The following DMD variants were observed in gnomAD, a reference collection of about 807,000 sequenced individuals.
The protein encoded by DMD is dystrophin.
A neutral mutation model predicts 330.1 loss-of-function variants in DMD; 63 were observed. The observed-to-expected ratio is 0.19, with a 90% CI of 0.16 to 0.24. The LOEUF is 0.24. Ranked by LOEUF, DMD falls within the 10% of genes least tolerant of loss-of-function variation. The pLI is 1.00. For synonymous variants in DMD, 1,223 were observed against 959.8 expected (o/e 1.27, Z -5.07); for missense variants, 3,344 against 2,684.1 (o/e 1.25, Z -5.43).
In DMD at chrX:32,365,191, T is replaced by C; in HGVS notation, c.4854A>G (p.Gln1618=). The C allele has an allele frequency of 8.3e-7, 1 of 1,210,479 alleles. No homozygotes were observed. The highest frequency in any genetic ancestry group is 1.1e-6 in the Non-Finnish European group (1 of 894,841). ...GCACCTTCTGTTTCTCAATCTCTTT[T>C]TGAGTAGCCTGTGAAAAGGAGAGCA... The part of the protein sequence containing the change: ...DSEVAWGKAT[Q]KEIEKQKVHL... Residue 1618 remains glutamine (Q), a synonymous_variant, in exon 35 of 79, where the codon CAA becomes CAG. Coordinates refer to ENST00000357033, the MANE Select transcript of DMD (RefSeq NM_004006.3).
At chrX:32,468,072 T>C (rs981588893) in intron 23 of DMD, among the ~76,000 whole-genome samples, 6 of 110,080 alleles carry the variant, frequency 5.5e-5, no homozygotes, top group African/African-American at 1.6e-4. Context: ...AAAGGTAATA[T>C]AGGAAATAAT....
At chrX:31,841,611 C>G (rs754330928) in intron 48 of DMD, among the ~76,000 whole-genome samples, 2 of 112,152 alleles carry the variant, frequency 1.8e-5, no homozygotes, top group South Asian at 7.4e-4. Flanking sequence ...CAATTGATGA[C>G]TTTCAATTGA....
chrX:32,161,514 T>G (rs1388013191), intron 44 of DMD, among the ~76,000 whole-genome samples: 2 of 111,925 alleles, frequency 1.8e-5, no homozygotes, highest in East Asian at 5.6e-4. Flanking sequence ...AATATCTTTG[T>G]TGTAGAATTA....
At chrX:32,660,588 T>C (rs2060883296) in intron 9 of DMD, among the ~76,000 whole-genome samples, 1 of 111,564 alleles carries the variant, frequency 9.0e-6, no homozygotes, top group African/African-American at 3.3e-5. Flanking sequence ...TTTAAAATGC[T>C]CTCTCCATAG....
At chrX:32,776,604 G>A (rs781454684) in intron 7 of DMD, among the ~76,000 whole-genome samples, 4 of 110,771 alleles carry the variant, frequency 3.6e-5, no homozygotes, top group Non-Finnish European at 7.6e-5. Context: ...CAGATCACAT[G>A]AGCATTCACA....
chrX:32,491,407 T>A lies in DMD; in HGVS notation c.2492A>T (p.Asn831Ile), dbSNP rs2042985183. Residue 831 changes from asparagine (N) to isoleucine (I), a missense_variant, in exon 20 of 79, where the codon AAC becomes ATC. Physicochemically the swap from Asn to Ile is moderately radical, Grantham distance 149. Transcript: ENST00000357033. ...ERLNWLEYQN[N>I]IIAFYNQLQQ... is the part of the protein sequence containing the mutation. ...TAGCTGATTATAGAAAGCGATGATG[T>A]TGTTCTGATACTCCAGCCAGTTAAG... 8.3e-7 allele frequency: 1 copy of A among 1,210,112 alleles called. No individual in the cohort carries two copies. Among genetic ancestry groups the A allele is most frequent in the African/African-American group, 1.7e-5 (1 of 57,182 alleles).
chrX:32,424,161 C>A (rs1258939241), intron 29 of DMD, among the ~76,000 whole-genome samples: 1 of 110,075 alleles, frequency 9.1e-6, no homozygotes, highest in Non-Finnish European at 1.9e-5. Context: ...ATTGCAGTCA[C>A]CTTGAACACA....
intron 55 of DMD, among the ~76,000 whole-genome samples, chrX:31,583,609 C>T (rs2076439830): frequency 9.1e-6 from 1 of 110,328 alleles, no homozygotes; most frequent in Non-Finnish European, 1.9e-5. Context: ...AGCTCTGCTA[C>T]ATTTTCTTTT....
At chrX:33,324,313 A>C (rs1042993616) in intron 1 of DMD, among the ~76,000 whole-genome samples, 2 of 110,880 alleles carry the variant, frequency 1.8e-5, no homozygotes, top group Non-Finnish European at 1.9e-5. Context: ...GACCACTAGG[A>C]GAATGATTTG....
At chrX:32,077,304 T>C (rs1213464845) in intron 44 of DMD, among the ~76,000 whole-genome samples, 3 of 110,902 alleles carry the variant, frequency 2.7e-5, no homozygotes, top group African/African-American at 9.9e-5. Context: ...TGAAGTATAT[T>C]ATACTTCAGT....
chrX:33,005,934 C>T (rs1285937937), intron 2 of DMD, among the ~76,000 whole-genome samples: 8 of 111,166 alleles, frequency 7.2e-5, no homozygotes, highest in Non-Finnish European at 1.5e-4. Context: ...ATATAAAATT[C>T]AATTGTTTCT....
At chrX:32,455,147 C>T (rs1301672065) in intron 25 of DMD, among the ~76,000 whole-genome samples, 1 of 110,889 alleles carries the variant, frequency 9.0e-6, no homozygotes, top group African/African-American at 3.3e-5. Flanking sequence ...TAATATGTTT[C>T]AGTTGGAAAA....
chrX:32,658,195 C>T (rs2060710338), intron 9 of DMD, among the ~76,000 whole-genome samples: 1 of 110,978 alleles, frequency 9.0e-6, no homozygotes, highest in Non-Finnish European at 1.9e-5. Flanking sequence ...ATATTCTTAG[C>T]TATGTACTCA....
chrX:32,039,711 G>T (rs1033427324), intron 44 of DMD, among the ~76,000 whole-genome samples: 3 of 111,819 alleles, frequency 2.7e-5, no homozygotes, highest in African/African-American at 9.8e-5. Context: ...TAGAGTGAGG[G>T]TCTCAAAATG....
At chrX:32,866,753 G>A (rs199550377) in intron 2 of DMD, among the ~76,000 whole-genome samples, 880 of 77,445 alleles carry the variant, frequency 0.011, 13 homozygotes, top group East Asian at 0.069. Flanking sequence ...GGGGGGGGGG[G>A]GACAGAGTTT....
chrX:33,320,025 T>G (rs1167732395), intron 1 of DMD, among the ~76,000 whole-genome samples: 2 of 111,638 alleles, frequency 1.8e-5, no homozygotes, highest in Non-Finnish European at 3.8e-5. Flanking sequence ...AATATCCAAT[T>G]ACATATATGG....
rs528543035 is a variant in DMD at position 31,574,345 on chromosome X, A to G, written c.8217+53328T>C. 1.2e-3 allele frequency among the ~76,000 whole-genome samples: 128 copies of G among 109,111 alleles called. 1 individual carries two copies. Among genetic ancestry groups the G allele is most frequent in the South Asian group, 9.3e-3 (23 of 2,464 alleles). The allele number at this position is 109,111 out of a possible 115,157, so 94.7% of individuals were successfully genotyped here. On this transcript the variant is annotated intron_variant, in intron 55 of 78. Transcript: ENST00000357033. Reference sequence around the variant, plus strand: ...TTTTCAGTAGAGATGGGGTTTCACCATGTTAGCCAGGATGGTCTCGATCTC... The same window carrying G: ...TTTTCAGTAGAGATGGGGTTTCACCGTGTTAGCCAGGATGGTCTCGATCTC...
chrX:31,405,878 T>C (rs1307310156), intron 60 of DMD, among the ~76,000 whole-genome samples: 2 of 111,946 alleles, frequency 1.8e-5, no homozygotes, highest in Non-Finnish European at 3.8e-5. Context: ...GTTCCAATAA[T>C]AGATGCTTTC....
At chrX:32,089,273 A>G (rs940969063) in intron 44 of DMD, among the ~76,000 whole-genome samples, 1 of 111,631 alleles carries the variant, frequency 9.0e-6, no homozygotes, top group Non-Finnish European at 1.9e-5. Context: ...ACTGAAAATA[A>G]GATACGTTTA....
Sources: allele counts gnomAD v4.1 joint callset (sites outside exome capture counted in the v4.1 genomes callset), GRCh38; gene constraint gnomAD v4.1.1; transcripts MANE v1.5; gene names NCBI Gene and HGNC (gene_info 2026-07-23, HGNC 2026-07-21).